The following ZNF19 variants were observed in gnomAD, a reference collection of about 807,000 sequenced individuals.
ZNF19 encodes zinc finger protein 19.
In ZNF19, 11 loss-of-function variants were observed where a neutral mutation model predicts 13.1. The ratio of observed to expected loss-of-function variants is 0.84; its 90% CI spans 0.53 to 1.39. The LOEUF (loss-of-function observed/expected upper bound fraction) is 1.39, where lower values mean the gene tolerates loss of function less well. Ranked by LOEUF, ZNF19 falls within the 40% of genes most tolerant of loss-of-function variation. The pLI is 0.00. For missense variants in ZNF19, 560 were observed against 547.0 expected (o/e 1.02, Z -0.24); for synonymous variants, 186 against 187.0 (o/e 0.99, Z 0.04).
Position 71,478,955 on chromosome 16 carries a change from C to A in ZNF19, c.84G>T (p.Trp28Cys). 6.2e-7 allele frequency: 1 copy of A among 1,614,210 alleles called. No individual in the cohort carries two copies. The highest frequency in any genetic ancestry group is 8.5e-7 in the Non-Finnish European group (1 of 1,180,044). ...CCCTCTGGGCAGGAGAAAGGCCAGTCCATTCTGTCTTGGTGAAGTGCACAG... is the reference window on the plus strand; with the variant it reads ...CCCTCTGGGCAGGAGAAAGGCCAGTACATTCTGTCTTGGTGAAGTGCACAG... ...DVAVHFTKTE[W>C]TGLSPAQRAL... is the part of the protein sequence containing the mutation. The change falls in exon 4 of 6, where the codon TGG (tryptophan) becomes TGT (cysteine). Residue 28 changes from tryptophan (W) to cysteine (C), a missense_variant. Physicochemically the swap from Trp to Cys is radical, Grantham distance 215. Coordinates refer to ENST00000288177, the MANE Select transcript of ZNF19 (RefSeq NM_006961.4).
At chr16:71,477,606 G>A (rs1053879004) in intron 5 of ZNF19, among the ~76,000 whole-genome samples, 1 of 151,988 alleles carries the variant, frequency 6.6e-6, no homozygotes, top group Non-Finnish European at 1.5e-5. Context: ...CTGTGTTAGA[G>A]TACTGTTTCA....
intron 2 of ZNF19, among the ~76,000 whole-genome samples, chr16:71,483,083 A>G (rs1414575432): frequency 1.3e-5 from 2 of 152,238 alleles, no homozygotes; most frequent in African/African-American, 2.4e-5. Flanking sequence ...TTTAAGGTTA[A>G]CATAAAATAA....
Position 71,484,738 on chromosome 16 carries a change from T to A in ZNF19, c.-179A>T, listed in dbSNP as rs1869398647. On this transcript the variant is annotated 5_prime_UTR_variant, in exon 2 of 6. Transcript: ENST00000288177. ...CCCGGGAGGAGTTTCCACCCGGGGA[T>A]CCTCAGAGACCTTGAATAGGAAAGA... 4 of 985,270 alleles carry A rather than the reference T, an allele frequency of 4.1e-6. No homozygotes were observed. Among genetic ancestry groups the A allele is most frequent in the Non-Finnish European group, 4.8e-6 (4 of 829,910 alleles). The allele number at this position is 985,270 out of a possible 1,614,324, so 61.0% of individuals were successfully genotyped here.
chr16:71,478,776 G>A (rs1206113025), intron 4 of ZNF19, 103 bp downstream of exon 4: 30 of 1,476,096 alleles, frequency 2.0e-5, no homozygotes, highest in African/African-American at 2.8e-5. Flanking sequence ...GGACACAAGA[G>A]ACAACCTCTC....
At chr16:71,486,994 G>C (rs2043683158) in intron 1 of ZNF19, 1 of 152,128 alleles carries the variant, frequency 6.6e-6, no homozygotes, top group Non-Finnish European at 1.5e-5. Context: ...GGAGTGGAAA[G>C]GAAGAAAATT....
intron 4 of ZNF19, chr16:71,478,646 T>C (rs1047089979): frequency 1.9e-5 from 12 of 646,894 alleles, no homozygotes; most frequent in Non-Finnish European, 3.3e-5. Context: ...AGATGGAACA[T>C]ACTCTTACCA....
intron 2 of ZNF19, 71 bp from the exon 3 acceptor site, chr16:71,482,214 T>C (rs2145170688): frequency 4.1e-6 from 6 of 1,474,420 alleles, no homozygotes; most frequent in East Asian, 4.6e-5. Context: ...AGCAATAAAT[T>C]TGCCAATAGC....
chr16:71,483,446 T>C (rs1274469812), intron 2 of ZNF19, among the ~76,000 whole-genome samples: 1 of 152,202 alleles, frequency 6.6e-6, no homozygotes, highest in African/African-American at 2.4e-5. Context: ...CTTCTTTCAG[T>C]TTCCTCTGTG....
chr16:71,478,432 C>T (rs1229644151), intron 4 of ZNF19, 91 bp from the exon 5 acceptor site: 8 of 914,886 alleles, frequency 8.7e-6, no homozygotes, highest in Non-Finnish European at 1.2e-5. Flanking sequence ...GAATAAGACC[C>T]ACAGAAGAGG....
At chr16:71,478,801 C>A in intron 4 of ZNF19, 78 bp downstream of exon 4, 1 of 1,561,226 alleles carries the variant, frequency 6.4e-7, no homozygotes, top group Non-Finnish European at 8.7e-7. Context: ...CCACTCCACA[C>A]TCCTCCCCCC....
At chr16:71,484,491 C>A (rs923099371) in intron 2 of ZNF19, 98 bp downstream of exon 2, 3 of 984,594 alleles carry the variant, frequency 3.0e-6, no homozygotes, top group Non-Finnish European at 3.6e-6. Context: ...GCCCTGTCTC[C>A]CTCCACTGAG....
In ZNF19 at chr16:71,475,921, C is replaced by T; in HGVS notation, c.626G>A (p.Arg209Lys). ...NGNSSLIRHQ[R>K]IHTGERPYQC... ...ATAGGGTCTCTCTCCAGTGTGAATC[C>T]TCTGGTGCCGAATTAACGAAGAATT... is the stretch of plus-strand genomic sequence containing the variant. The change falls in exon 6 of 6, where the codon AGG becomes AAG. Residue 209 changes from arginine (R) to lysine (K), a missense_variant. Coordinates refer to ENST00000288177, the MANE Select transcript of ZNF19 (RefSeq NM_006961.4). 6.2e-7 allele frequency: 1 copy of T among 1,613,556 alleles called. No individual in the cohort carries two copies. Among genetic ancestry groups the T allele is most frequent in the Non-Finnish European group, 8.5e-7 (1 of 1,179,734 alleles).
intron 1 of ZNF19, among the ~76,000 whole-genome samples, chr16:71,486,497 T>C (rs2043679499): frequency 6.6e-6 from 1 of 152,196 alleles, no homozygotes; most frequent in African/African-American, 2.4e-5. Flanking sequence ...CTCACTGGCT[T>C]TGAAGATGGA....
chr16:71,478,002 T>G (rs976701617), intron 5 of ZNF19: 11 of 484,870 alleles, frequency 2.3e-5, no homozygotes, highest in Non-Finnish European at 4.1e-5. Flanking sequence ...ACAACTAAGG[T>G]AGGCAATGTT....
chr16:71,477,484 C>A (rs2043610199), intron 5 of ZNF19, among the ~76,000 whole-genome samples: 1 of 152,004 alleles, frequency 6.6e-6, no homozygotes. Context: ...TCTTGGTGGC[C>A]CCCATCTATT....
chr16:71,477,685 T>C (rs2043611252), intron 5 of ZNF19, among the ~76,000 whole-genome samples: 1 of 152,116 alleles, frequency 6.6e-6, no homozygotes, highest in African/African-American at 2.4e-5. Flanking sequence ...CACTTGCCTA[T>C]TCTAAAGGCA....
chr16:71,476,231 C>G lies in ZNF19; in HGVS notation c.316G>C (p.Gly106Arg), dbSNP rs1300160063. 2.5e-6 allele frequency: 4 copies of G among 1,613,898 alleles called. No homozygotes were observed. The East Asian group carries it at 8.9e-5, about 36-fold the overall frequency. The change falls in exon 6 of 6, where the codon GGA becomes CGA. Residue 106 changes from glycine (G) to arginine (R), a missense_variant. Transcript: ENST00000288177. ...ATCCCATCTCTTTCTTCAGAAATTC[C>G]CTGGATTAATGTGGACTCACTGTCA... ...NIDSESTLIQ[G>R]ISEERDGMMS...
chr16:71,480,908 T>C (rs1216164149), intron 3 of ZNF19, among the ~76,000 whole-genome samples: 1 of 152,086 alleles, frequency 6.6e-6, no homozygotes, highest in East Asian at 1.9e-4. Context: ...GAGGATAAAA[T>C]CCAAACTCAG....
rs772385079 is a variant in ZNF19 at position 71,482,076 on chromosome 16, G to A, written c.33+6C>T. 1 of 1,614,120 alleles carries A rather than the reference G, an allele frequency of 6.2e-7. No individual in the cohort carries two copies. Among genetic ancestry groups the A allele is most frequent in the South Asian group, 1.1e-5 (1 of 91,068 alleles). ...ATAGAGCTGACCTCAGGGATCCACAGCTCACCTGGTATTGAGCTTTCAGAG... is the reference window on the plus strand; with the variant it reads ...ATAGAGCTGACCTCAGGGATCCACAACTCACCTGGTATTGAGCTTTCAGAG... On this transcript the variant is annotated splice_donor_region_variant and intron_variant, in intron 3 of 5. Transcript: ENST00000288177.
Sources: gnomAD v4.1 joint callset for allele counts (sites outside exome capture counted in the v4.1 genomes callset) on GRCh38, gnomAD v4.1.1 for gene constraint, MANE v1.5 for transcripts, NCBI Gene and HGNC (gene_info 2026-07-23, HGNC 2026-07-21) for gene names.